ST6GALNAC3: variants seen among roughly 807,000 people sequenced by gnomAD.
ST6GALNAC3 encodes the protein ST6 N-acetylgalactosaminide alpha-2,6-sialyltransferase 3.
Under a neutral mutation model 32.7 loss-of-function variants are expected in ST6GALNAC3, and 25 were observed. The observed-to-expected ratio is 0.76, with a 90% CI of 0.56 to 1.07. ST6GALNAC3 has a LOEUF of 1.07. ST6GALNAC3 is among the 50% of genes least tolerant of loss of function. The pLI is 0.00. For synonymous variants in ST6GALNAC3, 129 were observed against 133.1 expected, an observed-to-expected ratio of 0.97 and a Z score of 0.21; for missense variants, 355 against 382.4, an observed-to-expected ratio of 0.93 and a Z score of 0.60.
chr1:76,524,109 G>T (rs1662721061), intron 3 of ST6GALNAC3, among the ~76,000 whole-genome samples: 1 of 151,960 alleles, frequency 6.6e-6, no homozygotes, highest in Non-Finnish European at 1.5e-5. Context: ...AAATCAACAG[G>T]TAAATCAATC....
chr1:76,548,558 T>C (rs953472171), intron 3 of ST6GALNAC3, among the ~76,000 whole-genome samples: 1 of 152,194 alleles, frequency 6.6e-6, no homozygotes, highest in Non-Finnish European at 1.5e-5. Flanking sequence ...AAAGTCTTTC[T>C]TACGTGAGGC....
At chr1:76,158,702 T>G (rs1217506892) in intron 1 of ST6GALNAC3, among the ~76,000 whole-genome samples, 1 of 152,222 alleles carries the variant, frequency 6.6e-6, no homozygotes, top group Non-Finnish European at 1.5e-5. Flanking sequence ...TAAGATAATG[T>G]ATAAGACAGT....
At chr1:76,290,872 T>C (rs935198890) in intron 1 of ST6GALNAC3, among the ~76,000 whole-genome samples, 3 of 152,110 alleles carry the variant, frequency 2.0e-5, no homozygotes, top group African/African-American at 7.2e-5. Flanking sequence ...CAGCTGTGTG[T>C]GAATAAAACA....
chr1:76,490,652 G>C (rs1030114317), intron 3 of ST6GALNAC3, among the ~76,000 whole-genome samples: 2 of 151,680 alleles, frequency 1.3e-5, no homozygotes, highest in African/African-American at 4.8e-5. Context: ...CATTCTCAGA[G>C]CTTTTCTAAT....
chr1:76,323,037 C>T (rs1338212164), intron 2 of ST6GALNAC3, among the ~76,000 whole-genome samples: 2 of 152,070 alleles, frequency 1.3e-5, no homozygotes, highest in Non-Finnish European at 2.9e-5. Flanking sequence ...CAAAAATTAC[C>T]TCTAGAAATA....
chr1:76,480,933 T>A (rs1453079235), intron 3 of ST6GALNAC3, among the ~76,000 whole-genome samples: 2 of 152,082 alleles, frequency 1.3e-5, no homozygotes, highest in Admixed American at 1.3e-4. Context: ...AAATAGAGAC[T>A]TAGAGAAGAT....
At chr1:76,365,334 G>A (rs961344372) in intron 2 of ST6GALNAC3, among the ~76,000 whole-genome samples, 1 of 152,202 alleles carries the variant, frequency 6.6e-6, no homozygotes, top group South Asian at 2.1e-4. Flanking sequence ...AAGGTGGAAA[G>A]TGGTTGGGTG....
chr1:76,316,819 A>C (rs1251918226), intron 2 of ST6GALNAC3, among the ~76,000 whole-genome samples: 1 of 152,104 alleles, frequency 6.6e-6, no homozygotes, highest in Admixed American at 6.6e-5. Flanking sequence ...TGATCCCAGG[A>C]AGGATGTTTA....
intron 1 of ST6GALNAC3, among the ~76,000 whole-genome samples, chr1:76,188,420 T>C (rs942816953): frequency 6.6e-6 from 1 of 152,164 alleles, no homozygotes; most frequent in Non-Finnish European, 1.5e-5. Flanking sequence ...TTATAGTGTG[T>C]GTGGGAGTGG....
intron 1 of ST6GALNAC3, among the ~76,000 whole-genome samples, chr1:76,211,440 A>G (rs1258505251): frequency 6.6e-6 from 1 of 152,220 alleles, no homozygotes; most frequent in East Asian, 1.9e-4. Context: ...TACTGGGTAT[A>G]TACCCAAAGG....
chr1:76,442,652 A>T (rs1053098489), intron 3 of ST6GALNAC3, among the ~76,000 whole-genome samples: 5 of 152,152 alleles, frequency 3.3e-5, no homozygotes, highest in Admixed American at 6.5e-5. Context: ...GTGTTATTTG[A>T]CAAGAACCCA....
At chr1:76,330,879 G>A (rs1647176138) in intron 2 of ST6GALNAC3, among the ~76,000 whole-genome samples, 1 of 152,130 alleles carries the variant, frequency 6.6e-6, no homozygotes, top group Non-Finnish European at 1.5e-5. Flanking sequence ...AATTGCTACA[G>A]GAATATTGAT....
At chr1:76,407,392 A>G (rs1381028618) in intron 2 of ST6GALNAC3, among the ~76,000 whole-genome samples, 1 of 152,078 alleles carries the variant, frequency 6.6e-6, no homozygotes, top group Non-Finnish European at 1.5e-5. Flanking sequence ...ATGTGCTGGT[A>G]TAGAGTTAGT....
rs1650484230 is a variant in ST6GALNAC3, at chr1:76,143,605, T to C, written c.18+68721T>C. Among the ~76,000 whole-genome samples the C allele has an allele frequency of 2.0e-5, 3 of 152,268 alleles. No individual in the cohort carries two copies. The South Asian group carries it at 6.2e-4, about 32-fold the overall frequency. On this transcript the variant is annotated intron_variant, in intron 1 of 4. Coordinates refer to ENST00000328299, the MANE Select transcript of ST6GALNAC3 (RefSeq NM_152996.4). ...TATAATACCAAAGTGTTGTTGTTGT[T>C]TTTCTTGCATCTACATGTTCCATGA...
At chr1:76,342,176 G>A (rs924733938) in intron 2 of ST6GALNAC3, among the ~76,000 whole-genome samples, 1 of 152,164 alleles carries the variant, frequency 6.6e-6, no homozygotes, top group Non-Finnish European at 1.5e-5. Flanking sequence ...ACATACGTGT[G>A]TATGTGTCTT....
chr1:76,570,382 T>C (rs924799607), intron 3 of ST6GALNAC3, among the ~76,000 whole-genome samples: 1 of 152,004 alleles, frequency 6.6e-6, no homozygotes, highest in Non-Finnish European at 1.5e-5. Flanking sequence ...CCTTTCTTTC[T>C]CTTAGATCTT....
At chr1:76,149,133 G>T (rs1354946957) in intron 1 of ST6GALNAC3, among the ~76,000 whole-genome samples, 2 of 152,206 alleles carry the variant, frequency 1.3e-5, no homozygotes, top group African/African-American at 4.8e-5. Context: ...ATTTGCTGAT[G>T]CTGCTGCTTA....
At chr1:76,304,703 G>T (rs1485773110) in intron 1 of ST6GALNAC3, among the ~76,000 whole-genome samples, 3 of 152,006 alleles carry the variant, frequency 2.0e-5, no homozygotes, top group Non-Finnish European at 2.9e-5. Context: ...TTAATGTAAG[G>T]TCATGTAGAT....
chr1:76,274,899 C>G (rs1221207973), intron 1 of ST6GALNAC3, among the ~76,000 whole-genome samples: 2 of 152,204 alleles, frequency 1.3e-5, no homozygotes, highest in East Asian at 1.9e-4. Context: ...GAATTCAGAC[C>G]TGGCAGAAGA....
Sources: gnomAD v4.1 joint callset for allele counts (sites outside exome capture counted in the v4.1 genomes callset) on GRCh38, gnomAD v4.1.1 for gene constraint, MANE v1.5 for transcripts, NCBI Gene and HGNC (gene_info 2026-07-23, HGNC 2026-07-21) for gene names.